The following NEDD4L variants were observed in gnomAD, a reference collection of about 807,000 sequenced individuals.
NEDD4L encodes NEDD4 like E3 ubiquitin protein ligase.
A neutral mutation model predicts 148.9 loss-of-function variants in NEDD4L; 54 were observed. That is an observed-to-expected ratio of 0.36 (90% CI 0.29 to 0.45). The LOEUF (loss-of-function observed/expected upper bound fraction) is 0.45. NEDD4L is among the 20% of genes least tolerant of loss of function. The probability of loss-of-function intolerance (pLI) is 1.00; values close to 1 mark genes in which losing one functional copy is unlikely to be tolerated. For missense variants in NEDD4L, 856 were observed against 1,233.8 expected, an observed-to-expected ratio of 0.69 and a Z score of 4.59; for synonymous variants, 433 against 440.7, an observed-to-expected ratio of 0.98 and a Z score of 0.22.
rs1053633709 is a variant in NEDD4L, at chr18:58,204,642, T to G, written c.122+38781T>G. ...ACTCTCATCACTTTCCTTCACATTA[T>G]GTTAACTGGTGACAGGTCATGACGC... On this transcript the variant is annotated intron_variant, in intron 2 of 30. Coordinates refer to ENST00000400345, the MANE Select transcript of NEDD4L (RefSeq NM_001144967.3). Among the ~76,000 whole-genome samples the G allele has an allele frequency of 2.0e-5, 3 of 152,234 alleles. No homozygotes were observed. The East Asian group carries it at 5.8e-4, about 29-fold the overall frequency.
intron 2 of NEDD4L, among the ~76,000 whole-genome samples, chr18:58,205,911 A>C (rs927766196): frequency 1.3e-5 from 2 of 152,182 alleles, no homozygotes; most frequent in African/African-American, 2.4e-5. Context: ...TTCTGGCCTC[A>C]GAATCCTAGT....
intron 2 of NEDD4L, among the ~76,000 whole-genome samples, chr18:58,181,052 T>C (rs919051577): frequency 1.3e-5 from 2 of 152,258 alleles, no homozygotes; most frequent in Non-Finnish European, 2.9e-5. Context: ...ACATTTTGTG[T>C]GTTTCAGCAG....
intron 5 of NEDD4L, among the ~76,000 whole-genome samples, chr18:58,297,879 C>T (rs1018066685): frequency 2.6e-5 from 4 of 152,146 alleles, no homozygotes; most frequent in South Asian, 2.1e-4. Flanking sequence ...CATAATTTGT[C>T]GCTGTCTCCG....
At chr18:58,293,065 T>C (rs1005617707) in intron 5 of NEDD4L, among the ~76,000 whole-genome samples, 1 of 152,236 alleles carries the variant, frequency 6.6e-6, no homozygotes, top group Admixed American at 6.5e-5. Context: ...TTTTATCATA[T>C]CCAACTTCGT....
rs530830971 is a variant in NEDD4L at position 58,326,547 on chromosome 18, C to A, written c.680+1385C>A. On this transcript the variant is annotated intron_variant, in intron 9 of 30. Transcript: ENST00000400345. ...ATTTGTAGTAAAAATGAATTTGGACCCACCTTGGGCTTGGTTACATGTAGT... is the reference window on the plus strand; with the variant it reads ...ATTTGTAGTAAAAATGAATTTGGACACACCTTGGGCTTGGTTACATGTAGT... Among the ~76,000 whole-genome samples the A allele has an allele frequency of 4.3e-4, 65 of 152,144 alleles. No individual in the cohort carries two copies. In the Middle Eastern group the frequency reaches 0.014, roughly 32 times the overall value.
At chr18:58,137,453 A>G (rs2032971648) in intron 1 of NEDD4L, among the ~76,000 whole-genome samples, 1 of 152,142 alleles carries the variant, frequency 6.6e-6, no homozygotes, top group Non-Finnish European at 1.5e-5. Flanking sequence ...GAGGACCAGC[A>G]CCAGTGGGGA....
At chr18:58,120,576 G>T (rs936370635) in intron 1 of NEDD4L, among the ~76,000 whole-genome samples, 7 of 152,002 alleles carry the variant, frequency 4.6e-5, no homozygotes, top group Non-Finnish European at 5.9e-5. Context: ...TCAGGAGATC[G>T]AGACCATCCT....
At chr18:58,070,874 T>A (rs1052297714) in intron 1 of NEDD4L, among the ~76,000 whole-genome samples, 3 of 152,182 alleles carry the variant, frequency 2.0e-5, no homozygotes, top group African/African-American at 7.2e-5. Context: ...ATAGAATTAG[T>A]TCCTGAAAAT....
At chr18:58,157,754 A>G (rs142186379) in intron 1 of NEDD4L, among the ~76,000 whole-genome samples, 112 of 152,350 alleles carry the variant, frequency 7.4e-4, no homozygotes, top group Non-Finnish European at 1.1e-3. Flanking sequence ...CTTTGACATG[A>G]TAGAAAACAC....
At chr18:58,214,473 G>T (rs1303934301) in intron 2 of NEDD4L, among the ~76,000 whole-genome samples, 10 of 152,296 alleles carry the variant, frequency 6.6e-5, no homozygotes, top group African/African-American at 2.4e-4. Flanking sequence ...GGGATCATCT[G>T]TAGAGCAGGG....
intron 12 of NEDD4L, among the ~76,000 whole-genome samples, chr18:58,334,284 A>G (rs769402554): frequency 6.6e-6 from 1 of 152,212 alleles, no homozygotes; most frequent in Non-Finnish European, 1.5e-5. Context: ...GACCGTCCAC[A>G]TGTTCCTTTC....
At chr18:58,080,226 G>A (rs1224732837) in intron 1 of NEDD4L, among the ~76,000 whole-genome samples, 4 of 152,222 alleles carry the variant, frequency 2.6e-5, no homozygotes, top group Non-Finnish European at 5.9e-5. Flanking sequence ...ACCCTGCCTA[G>A]GATTCTCTGT....
intron 5 of NEDD4L, among the ~76,000 whole-genome samples, chr18:58,274,180 T>C (rs2051507295): frequency 6.6e-6 from 1 of 152,176 alleles, no homozygotes; most frequent in African/African-American, 2.4e-5. Flanking sequence ...CCATCTTGGA[T>C]GCTCCAGCCC....
At chr18:58,240,572 C>T (rs2046508314) in intron 2 of NEDD4L, among the ~76,000 whole-genome samples, 6 of 152,138 alleles carry the variant, frequency 3.9e-5, no homozygotes. Context: ...TCCCTCTCCT[C>T]CTGACCCACC....
At chr18:58,337,816 C>T (rs1250546610) in intron 13 of NEDD4L, among the ~76,000 whole-genome samples, 2 of 152,162 alleles carry the variant, frequency 1.3e-5, no homozygotes, top group African/African-American at 2.4e-5. Context: ...TGCTTTCATT[C>T]CTGTAGTCTA....
intron 1 of NEDD4L, among the ~76,000 whole-genome samples, chr18:58,078,015 ATTTTT>A (rs56093190): frequency 5.6e-5 from 8 of 143,032 alleles, no homozygotes; most frequent in Admixed American, 2.1e-4. Context: ...TGAGAAACGT[ATTTTT>A]TTTTTTTTTT....
intron 2 of NEDD4L, among the ~76,000 whole-genome samples, chr18:58,185,233 C>G (rs1175449583): frequency 6.6e-6 from 1 of 152,158 alleles, no homozygotes; most frequent in African/African-American, 2.4e-5. Flanking sequence ...CAGACTGTAG[C>G]TCACTTCCCT....
In NEDD4L at chr18:58,256,590, T is replaced by A; in HGVS notation, c.297+4536T>A. On this transcript the variant is annotated intron_variant, in intron 5 of 30. Transcript: ENST00000400345. This position sits in a 1 kb window ranked among gnomAD's most constrained non-coding sequence, Gnocchi z 5.2. ...CGAGCTGGCAGGATGGCTCCTGAAA[T>A]CCGCAGGACGAACTCCGCGGAGAGG... The A allele has an allele frequency of 8.1e-7, 1 of 1,232,062 alleles. No homozygotes were observed. The highest frequency in any genetic ancestry group is 1.6e-5 in the African/African-American group (1 of 64,478). 76.3% of individuals were successfully genotyped at this position (1,232,062 alleles called of 1,614,324 possible).
chr18:58,153,850 A>T (rs1490509304), intron 1 of NEDD4L, among the ~76,000 whole-genome samples: 1 of 152,132 alleles, frequency 6.6e-6, no homozygotes, highest in Non-Finnish European at 1.5e-5. Flanking sequence ...GGGTTTCACC[A>T]TGTTAGCCAG....
Sources: gnomAD v4.1 joint callset for allele counts (sites outside exome capture counted in the v4.1 genomes callset) on GRCh38, gnomAD v4.1.1 for gene constraint, Gnocchi (gnomAD v3.1) non-coding constraint, MANE v1.5 for transcripts, NCBI Gene and HGNC (gene_info 2026-07-23, HGNC 2026-07-21) for gene names.